CEMIP2: variants seen among roughly 807,000 people sequenced by gnomAD.
CEMIP2 encodes cell surface hyaluronidase CEMIP2.
Under a neutral mutation model 146.9 loss-of-function variants are expected in CEMIP2, and 79 were observed. That is an observed-to-expected ratio of 0.54 (90% confidence interval 0.45 to 0.65). The LOEUF (loss-of-function observed/expected upper bound fraction) is 0.65. Ranked by LOEUF, CEMIP2 falls within the 30% of genes least tolerant of loss-of-function variation. CEMIP2 has a pLI of 0.00. For missense variants in CEMIP2, 1,596 were observed against 1,696.2 expected (o/e 0.94, Z 1.04); for synonymous variants, 601 against 606.3 (o/e 0.99, Z 0.13).
chr9:71,738,114 GAACA>G (rs146300501), intron 5 of CEMIP2, among the ~76,000 whole-genome samples: 10,962 of 152,152 alleles, frequency 0.072, 533 homozygotes, highest in South Asian at 0.19. Context: ...AGCAGGTTAA[GAACA>G]AATAAAGAAA....
intron 12 of CEMIP2, among the ~76,000 whole-genome samples, chr9:71,722,051 T>C (rs1823245638): frequency 6.6e-6 from 1 of 152,216 alleles, no homozygotes; most frequent in African/African-American, 2.4e-5. Flanking sequence ...ATAAATTCTA[T>C]ATGGTTTGGT....
In CEMIP2 at chr9:71,745,574, G is replaced by C. The variant is rs752006904; in HGVS notation, c.478C>G (p.Leu160Val). Residue 160 changes from leucine (L) to valine (V), a missense_variant, in exon 4 of 24, where the codon CTT becomes GTT. Leu to Val is a conservative substitution (Grantham distance 32, BLOSUM62 1). Coordinates refer to ENST00000377044, the MANE Select transcript of CEMIP2 (RefSeq NM_013390.3). ...CCATCTTTATTGTCCCCAAATACAA[G>C]CAGTCCTGCAGGGAACACCACCCTG... ...HSIVIQDGGLLVFGDNKDGSR... is the reference protein window; with the variant it reads ...HSIVIQDGGLVVFGDNKDGSR... The C allele has an allele frequency of 5.0e-6, 8 of 1,595,186 alleles. No homozygotes were observed. The Admixed American group carries it at 6.8e-5, about 14-fold the overall frequency.
rs373029027 is a variant in CEMIP2, at chr9:71,709,324, G to A, written c.2920C>T (p.Arg974Cys). ...GACACATTTACACAGCTTGGATGGC[G>A]GATCAGGTAGTTGTCCATTCTTCCC... is the stretch of plus-strand genomic sequence containing the variant. ...YVGRMDNYLI[R>C]HPSCVNVSKW... The change falls in exon 17 of 24, where the codon CGC (arginine) becomes TGC (cysteine). Residue 974 changes from arginine (R) to cysteine (C), a missense_variant. Coordinates refer to ENST00000377044, the MANE Select transcript of CEMIP2 (RefSeq NM_013390.3). 56 of 1,614,004 alleles carry A rather than the reference G, an allele frequency of 3.5e-5. No individual in the cohort carries two copies. The highest frequency in any genetic ancestry group is 6.7e-5 in the African/African-American group (5 of 74,906).
chr9:71,688,880 C>T (rs1563991075), intron 22 of CEMIP2, among the ~76,000 whole-genome samples: 4 of 152,174 alleles, frequency 2.6e-5, no homozygotes, highest in East Asian at 3.8e-4. Flanking sequence ...TTGCTCCATA[C>T]CTTCTTAACA....
At position 71,684,939 on chromosome 9, in the gene CEMIP2, T is replaced by C; in HGVS notation, c.*258A>G. The C allele has an allele frequency of 2.5e-6, 1 of 401,594 alleles. No homozygotes were observed. 24.9% of individuals were successfully genotyped at this position (401,594 alleles called of 1,614,324 possible). On this transcript the variant is annotated 3_prime_UTR_variant, in exon 24 of 24. Coordinates refer to ENST00000377044, the MANE Select transcript of CEMIP2 (RefSeq NM_013390.3). ...TCATGGTCATTACAAAATACGGGGGTGGAAAGTGAGGAATAAGAGATCTGC... is the reference window on the plus strand; with the variant it reads ...TCATGGTCATTACAAAATACGGGGGCGGAAAGTGAGGAATAAGAGATCTGC...
chr9:71,757,730 TAG>T (rs1824506950), intron 1 of CEMIP2, among the ~76,000 whole-genome samples: 1 of 152,212 alleles, frequency 6.6e-6, no homozygotes. Context: ...GATCACCATT[TAG>T]ATCTTCTGGT....
chr9:71,732,507 G>C lies in CEMIP2; in HGVS notation c.1407C>G (p.Phe469Leu). ...CGTCTATGATCTCACCCATGTGCAGGAACTGAGGGGTTTCTGGTTGATATG... is the reference window on the plus strand; with the variant it reads ...CGTCTATGATCTCACCCATGTGCAGCAACTGAGGGGTTTCTGGTTGATATG... Reference protein sequence around the residue: ...FQVKVKETPQFLHMGEIIDGV... With the variant: ...FQVKVKETPQLLHMGEIIDGV... The change falls in exon 7 of 24, where the codon TTC becomes TTG. Residue 469 changes from phenylalanine to leucine, a missense_variant. Coordinates refer to ENST00000377044, the MANE Select transcript of CEMIP2 (RefSeq NM_013390.3). The C allele has an allele frequency of 6.3e-7, 1 of 1,595,184 alleles. No individual in the cohort carries two copies. Among genetic ancestry groups the C allele is most frequent in the Non-Finnish European group, 8.5e-7 (1 of 1,174,972 alleles).
intron 1 of CEMIP2, among the ~76,000 whole-genome samples, chr9:71,764,498 C>T (rs1048310927): frequency 6.6e-6 from 1 of 151,208 alleles, no homozygotes; most frequent in Admixed American, 6.6e-5. Flanking sequence ...ACTATATGAC[C>T]TTACCTAATT....
rs180725467 is a variant in CEMIP2 at position 71,694,079 on chromosome 9, A to G, written c.3696+430T>C. ...CTTTCCAGCCTCCAGAACTGTGAGAAATAAATTTCTGTTGTTTATTTTTAT... is the reference window on the plus strand; with the variant it reads ...CTTTCCAGCCTCCAGAACTGTGAGAGATAAATTTCTGTTGTTTATTTTTAT... On this transcript the variant is annotated intron_variant, in intron 21 of 23. Transcript: ENST00000377044. 3.5e-4 allele frequency among the ~76,000 whole-genome samples: 53 copies of G among 151,712 alleles called. 1 individual carries two copies. The highest frequency in any genetic ancestry group is 1.2e-3 in the African/African-American group (51 of 41,384).
intron 12 of CEMIP2, among the ~76,000 whole-genome samples, chr9:71,718,512 T>G (rs1367359041): frequency 1.3e-5 from 2 of 152,180 alleles, no homozygotes; most frequent in African/African-American, 4.8e-5. Context: ...GGTTAAATGT[T>G]TAGATATAGA....
intron 18 of CEMIP2, among the ~76,000 whole-genome samples, chr9:71,701,700 C>A (rs1822567066): frequency 6.6e-6 from 1 of 151,806 alleles, no homozygotes; most frequent in South Asian, 2.1e-4. Context: ...ACTAAATGGC[C>A]CTAGGATTTT....
chr9:71,732,396 A>T lies in CEMIP2; in HGVS notation c.1518T>A (p.Asn506Lys). The change falls in exon 7 of 24, where the codon AAT becomes AAA. Residue 506 changes from asparagine (N) to lysine (K), a missense_variant. Physicochemically the swap from Asn to Lys is moderately conservative, Grantham distance 94. Transcript: ENST00000377044. Reference sequence around the variant, plus strand: ...TATCATAATCAAAAAATTGGCACTGATTTTCTGCGTAGCATGAGTCCTCCA... The same window carrying T: ...TATCATAATCAAAAAATTGGCACTGTTTTTCTGCGTAGCATGAGTCCTCCA... Reference protein sequence around the residue: ...GEVEDSCYAENQCQFFDYDTF... With the variant: ...GEVEDSCYAEKQCQFFDYDTF... 6.2e-7 allele frequency: 1 copy of T among 1,613,154 alleles called. No homozygotes were observed. Among genetic ancestry groups the T allele is most frequent in the Middle Eastern group, 1.6e-4 (1 of 6,062 alleles).
intron 4 of CEMIP2, among the ~76,000 whole-genome samples, chr9:71,740,582 T>C (rs985848672): frequency 1.3e-5 from 2 of 152,230 alleles, no homozygotes; most frequent in Non-Finnish European, 2.9e-5. Context: ...TCACATGCTC[T>C]CTTTTAAACT....
chr9:71,724,450 C>T (rs1823326013), intron 11 of CEMIP2, among the ~76,000 whole-genome samples: 2 of 152,034 alleles, frequency 1.3e-5, no homozygotes, highest in Non-Finnish European at 2.9e-5. Flanking sequence ...ATAGTTTTTC[C>T]TCAACTCTTC....
At chr9:71,727,548 T>C (rs1355984880) in intron 10 of CEMIP2, among the ~76,000 whole-genome samples, 1 of 152,240 alleles carries the variant, frequency 6.6e-6, no homozygotes, top group Non-Finnish European at 1.5e-5. Context: ...GTTCAAACCA[T>C]CACCCACTGA....
chr9:71,732,906 A>T (rs1028648752), intron 6 of CEMIP2, among the ~76,000 whole-genome samples: 1 of 151,892 alleles, frequency 6.6e-6, no homozygotes, highest in Non-Finnish European at 1.5e-5. Flanking sequence ...CTGTTCTGCC[A>T]ATTCTCAAAC....
intron 1 of CEMIP2, among the ~76,000 whole-genome samples, chr9:71,755,820 G>A (rs563603691): frequency 2.6e-5 from 4 of 151,512 alleles, no homozygotes; most frequent in Non-Finnish European, 4.4e-5. Flanking sequence ...AAATTAACTG[G>A]GCATGGTGGC....
chr9:71,694,538 T>C lies in CEMIP2; in HGVS notation c.3667A>G (p.Thr1223Ala). 6.2e-7 allele frequency: 1 copy of C among 1,613,824 alleles called. No individual in the cohort carries two copies. Among genetic ancestry groups the C allele is most frequent in the Non-Finnish European group, 8.5e-7 (1 of 1,179,888 alleles). Residue 1223 changes from threonine (T) to alanine (A), a missense_variant, in exon 21 of 24, where the codon ACC becomes GCC. Physicochemically the swap from Thr to Ala is moderately conservative, Grantham distance 58. Transcript: ENST00000377044. ...ATAACAGACGGGTCTCCACGCTGGG[T>C]TTCTGCTTTATCAGGTGACTGGAAT... is the stretch of plus-strand genomic sequence containing the variant. ...VQFQSPDKAE[T>A]QRGDPSVISV...
intron 10 of CEMIP2, among the ~76,000 whole-genome samples, chr9:71,728,407 A>G (rs1589149815): frequency 6.8e-6 from 1 of 146,298 alleles, no homozygotes; most frequent in South Asian, 2.2e-4. Context: ...GCTTGAGCCC[A>G]GGAGGCAGAG....
Sources: gnomAD v4.1 joint callset for allele counts (sites outside exome capture counted in the v4.1 genomes callset) on GRCh38, gnomAD v4.1.1 for gene constraint, MANE v1.5 for transcripts, NCBI Gene and HGNC (gene_info 2026-07-23, HGNC 2026-07-21) for gene names.